Variants in LRP1B observed in about 807,000 individuals in gnomAD.
LRP1B encodes low-density lipoprotein receptor-related protein 1B.
Under a neutral mutation model 556.6 loss-of-function variants are expected in LRP1B, and 217 were observed. The ratio of observed to expected loss-of-function variants is 0.39; its 90% CI spans 0.35 to 0.44. The LOEUF (loss-of-function observed/expected upper bound fraction) is 0.44. Ranked by LOEUF, LRP1B falls within the 20% of genes least tolerant of loss-of-function variation. The probability of loss-of-function intolerance (pLI) is 1.00; values close to 1 mark genes in which losing one functional copy is unlikely to be tolerated. For synonymous variants in LRP1B, 2,047 were observed against 1,865.8 expected (o/e 1.10, Z -2.50); for missense variants, 5,053 against 5,620.8 (o/e 0.90, Z 3.23).
At chr2:141,266,766 A>G (rs1393429907) in intron 3 of LRP1B, among the ~76,000 whole-genome samples, 1 of 152,214 alleles carries the variant, frequency 6.6e-6, no homozygotes, top group Non-Finnish European at 1.5e-5. Flanking sequence ...TTACACAGAT[A>G]ATTAAAATAT....
intron 47 of LRP1B, among the ~76,000 whole-genome samples, chr2:140,530,644 C>T (rs1009778696): frequency 6.6e-6 from 1 of 152,096 alleles, no homozygotes; most frequent in African/African-American, 2.4e-5. Context: ...GGAGCTGGTC[C>T]ATTGAATTAA....
chr2:141,198,455 C>G (rs1681844053), intron 6 of LRP1B, among the ~76,000 whole-genome samples: 1 of 152,118 alleles, frequency 6.6e-6, no homozygotes, highest in East Asian at 1.9e-4. Context: ...TAGGACACTT[C>G]TGAATGCTAG....
intron 27 of LRP1B, among the ~76,000 whole-genome samples, chr2:140,867,366 G>GAT (rs1692982022): frequency 6.6e-6 from 1 of 151,630 alleles, no homozygotes; most frequent in African/African-American, 2.4e-5. Flanking sequence ...GGGCATCTTA[G>GAT]GAATTAAGAT....
chr2:140,260,162 C>T (rs969277441), intron 86 of LRP1B, among the ~76,000 whole-genome samples: 1 of 151,764 alleles, frequency 6.6e-6, no homozygotes, highest in African/African-American at 2.4e-5. Context: ...TTGCTATGGG[C>T]AAGAAGCAAT....
intron 27 of LRP1B, 69 bp downstream of exon 27, chr2:140,867,521 T>A (rs1692987195): frequency 6.8e-7 from 1 of 1,462,408 alleles, no homozygotes; most frequent in African/African-American, 1.4e-5. Context: ...TATTTTATAC[T>A]TCAAATATTA....
intron 71 of LRP1B, among the ~76,000 whole-genome samples, chr2:140,365,927 G>T (rs4954830): frequency 0.078 from 11,849 of 151,754 alleles, 537 homozygotes; most frequent in Middle Eastern, 0.14. Flanking sequence ...TCCTTTTGCA[G>T]ATGTACTTTG....
intron 5 of LRP1B, among the ~76,000 whole-genome samples, chr2:141,246,107 G>A (rs1219267764): frequency 6.6e-6 from 1 of 152,096 alleles, no homozygotes; most frequent in Non-Finnish European, 1.5e-5. Flanking sequence ...AATAAAACTG[G>A]GAAATTATAT....
intron 1 of LRP1B, among the ~76,000 whole-genome samples, chr2:141,938,324 T>C (rs974605336): frequency 6.6e-6 from 1 of 152,030 alleles, no homozygotes; most frequent in Non-Finnish European, 1.5e-5. Flanking sequence ...AAAGAAGAAA[T>C]AAAAATGGCC....
In LRP1B at chr2:140,502,949, A is replaced by G. The variant is rs1312554330; in HGVS notation, c.8662+14T>C. 3 of 1,612,186 alleles carry G rather than the reference A, an allele frequency of 1.9e-6. No homozygotes were observed. The highest frequency in any genetic ancestry group is 2.5e-6 in the Non-Finnish European group (3 of 1,178,624). ...CACTTTAGAGTAAATGCGGTATTGT[A>G]TATATTTCTGTACCTGCACTTTTAC... On this transcript the variant is annotated intron_variant, in intron 54 of 90. Transcript: ENST00000389484.
At chr2:140,690,118 C>T (rs903308412) in intron 41 of LRP1B, among the ~76,000 whole-genome samples, 1 of 151,538 alleles carries the variant, frequency 6.6e-6, no homozygotes, top group Non-Finnish European at 1.5e-5. Context: ...TAAAGGTGTC[C>T]CCCTCTCTCA....
At chr2:141,474,000 A>ATTCCTTCCTTCCTTCCTTCC (rs70994427) in intron 3 of LRP1B, among the ~76,000 whole-genome samples, 62 of 130,612 alleles carry the variant, frequency 4.7e-4, no homozygotes, top group Non-Finnish European at 7.2e-4. Flanking sequence ...GCTTTACTAA[A>ATTCCTTCCTTCCTTCCTTCC]TTCCTTCCTT....
intron 2 of LRP1B, among the ~76,000 whole-genome samples, chr2:141,660,857 C>T (rs1207939347): frequency 6.6e-6 from 1 of 152,102 alleles, no homozygotes; most frequent in African/African-American, 2.4e-5. Context: ...TCCCTGATCT[C>T]GTGCCTCCTG....
intron 35 of LRP1B, among the ~76,000 whole-genome samples, chr2:140,754,181 C>A (rs751186987): frequency 6.6e-6 from 1 of 152,158 alleles, no homozygotes. Flanking sequence ...CTATCAAAAA[C>A]AATGGAGATT....
At chr2:141,357,849 G>T (rs1688681667) in intron 3 of LRP1B, among the ~76,000 whole-genome samples, 2 of 152,070 alleles carry the variant, frequency 1.3e-5, no homozygotes, top group South Asian at 4.1e-4. Context: ...TTTTTCAACT[G>T]AACAAGAAAA....
intron 41 of LRP1B, among the ~76,000 whole-genome samples, chr2:140,649,377 T>C (rs1684595949): frequency 6.6e-6 from 1 of 152,168 alleles, no homozygotes; most frequent in African/African-American, 2.4e-5. Context: ...ATCTGGATAG[T>C]GGCAATCATA....
intron 55 of LRP1B, among the ~76,000 whole-genome samples, chr2:140,496,072 T>A (rs538618193): frequency 6.6e-6 from 1 of 152,306 alleles, no homozygotes; most frequent in Non-Finnish European, 1.5e-5. Flanking sequence ...ATTTTTCTAT[T>A]GCATTACATT....
intron 7 of LRP1B, among the ~76,000 whole-genome samples, chr2:141,172,015 T>C (rs905495406): frequency 6.6e-6 from 1 of 152,108 alleles, no homozygotes; most frequent in Admixed American, 6.6e-5. Flanking sequence ...AAAAGATAGG[T>C]AATGCAAAAC....
chr2:141,560,724 A>C (rs939658594), intron 2 of LRP1B, among the ~76,000 whole-genome samples: 1 of 151,680 alleles, frequency 6.6e-6, no homozygotes, highest in African/African-American at 2.4e-5. Context: ...AAAATAAAGT[A>C]CTTTTTTTTA....
intron 2 of LRP1B, among the ~76,000 whole-genome samples, chr2:141,556,248 A>G (rs1230441880): frequency 1.3e-5 from 2 of 151,928 alleles, no homozygotes; most frequent in Non-Finnish European, 1.5e-5. Flanking sequence ...ATGTACGGGC[A>G]TTGAAGCACT....
Sources: gnomAD v4.1 joint callset for allele counts (sites outside exome capture counted in the v4.1 genomes callset) on GRCh38, gnomAD v4.1.1 for gene constraint, MANE v1.5 for transcripts, NCBI Gene and HGNC (gene_info 2026-07-23, HGNC 2026-07-21) for gene names.